MAP2K1: variants seen among roughly 807,000 people sequenced by gnomAD.
MAP2K1 encodes the protein mitogen-activated protein kinase kinase 1, also known as dual specificity mitogen-activated protein kinase kinase 1.
A neutral mutation model predicts 46.3 loss-of-function variants in MAP2K1; 16 were observed. The observed-to-expected ratio is 0.35, with a 90% confidence interval of 0.23 to 0.52. MAP2K1 has a LOEUF of 0.52. Ranked by LOEUF, MAP2K1 falls within the 20% of genes least tolerant of loss-of-function variation. The pLI is 0.94. For missense variants in MAP2K1, 263 were observed against 497.1 expected, an observed-to-expected ratio of 0.53 and a Z score of 4.48; for synonymous variants, 183 against 185.6, an observed-to-expected ratio of 0.99 and a Z score of 0.11.
At chr15:66,460,497 G>T (rs895865757) in intron 5 of MAP2K1, among the ~76,000 whole-genome samples, 1 of 152,194 alleles carries the variant, frequency 6.6e-6, no homozygotes, top group Non-Finnish European at 1.5e-5. Flanking sequence ...ACAGGAAATA[G>T]CAAGTGGTTC....
At chr15:66,473,233 A>G (rs962443039) in intron 5 of MAP2K1, among the ~76,000 whole-genome samples, 1 of 152,178 alleles carries the variant, frequency 6.6e-6, no homozygotes, top group Non-Finnish European at 1.5e-5. Flanking sequence ...CAACTTCCAT[A>G]TCTGTAAACT....
intron 1 of MAP2K1, among the ~76,000 whole-genome samples, chr15:66,397,002 T>C (rs1433035793): frequency 1.0e-5 from 1 of 95,958 alleles, no homozygotes; most frequent in Non-Finnish European, 2.0e-5. Context: ...CTTCTTTTTT[T>C]TTTTTTTTTT....
chr15:66,460,774 G>C (rs1374756595), intron 5 of MAP2K1, among the ~76,000 whole-genome samples: 1 of 152,052 alleles, frequency 6.6e-6, no homozygotes, highest in African/African-American at 2.4e-5. Flanking sequence ...ATAAGGGGGG[G>C]TCTGAGTTAG....
intron 1 of MAP2K1, among the ~76,000 whole-genome samples, chr15:66,412,909 A>T (rs982606023): frequency 2.5e-4 from 38 of 151,462 alleles, no homozygotes; most frequent in Admixed American, 9.2e-4. Context: ...TATTATTATT[A>T]TTTTTTGACA....
chr15:66,410,891 T>G (rs900970329), intron 1 of MAP2K1, among the ~76,000 whole-genome samples: 3 of 152,154 alleles, frequency 2.0e-5, no homozygotes, highest in African/African-American at 4.8e-5. Context: ...ATTGTAAGCT[T>G]CTGCAGATGA....
intron 1 of MAP2K1, among the ~76,000 whole-genome samples, chr15:66,424,938 C>T (rs1246631818): frequency 6.6e-6 from 1 of 151,822 alleles, no homozygotes; most frequent in African/African-American, 2.4e-5. Context: ...GCTGGGATTA[C>T]AGGATGTGCC....
intron 1 of MAP2K1, among the ~76,000 whole-genome samples, chr15:66,410,548 A>G (rs749130768): frequency 6.6e-6 from 1 of 152,248 alleles, no homozygotes; most frequent in Non-Finnish European, 1.5e-5. Flanking sequence ...TTTTTGATAT[A>G]TAATCCAAAG....
chr15:66,480,607 A>G (rs1353463168), intron 5 of MAP2K1, among the ~76,000 whole-genome samples: 1 of 152,160 alleles, frequency 6.6e-6, no homozygotes, highest in Non-Finnish European at 1.5e-5. Context: ...ATATAACAGT[A>G]TCGAAGAGAA....
chr15:66,420,715 A>ATATG (rs2093436128), intron 1 of MAP2K1, among the ~76,000 whole-genome samples: 1 of 33,990 alleles, frequency 2.9e-5, no homozygotes, highest in African/African-American at 1.1e-4. Flanking sequence ...GCATATATAT[A>ATATG]TATATATGTG....
chr15:66,437,538 C>T (rs563866987), intron 3 of MAP2K1, among the ~76,000 whole-genome samples: 26 of 152,280 alleles, frequency 1.7e-4, no homozygotes, highest in African/African-American at 5.8e-4. Context: ...TGAGGGCTGA[C>T]GTGAGTCTGC....
At chr15:66,427,416 G>A (rs1485325211) in intron 1 of MAP2K1, among the ~76,000 whole-genome samples, 3 of 151,940 alleles carry the variant, frequency 2.0e-5, no homozygotes, top group Non-Finnish European at 4.4e-5. Flanking sequence ...AAAATTAGCC[G>A]GGTGTGGTGG....
At chr15:66,478,081 G>A (rs979480257) in intron 5 of MAP2K1, among the ~76,000 whole-genome samples, 6 of 151,520 alleles carry the variant, frequency 4.0e-5, no homozygotes, top group Admixed American at 2.0e-4. Flanking sequence ...CTCTCCTCCC[G>A]AAGTTCAGAA....
At chr15:66,455,298 T>G (rs1427155767) in intron 5 of MAP2K1, among the ~76,000 whole-genome samples, 1 of 152,254 alleles carries the variant, frequency 6.6e-6, no homozygotes, top group Admixed American at 6.5e-5. Flanking sequence ...AAAAATAGTT[T>G]ATAACACAAG....
chr15:66,407,317 C>T (rs191423192), intron 1 of MAP2K1, among the ~76,000 whole-genome samples: 1 of 151,944 alleles, frequency 6.6e-6, no homozygotes, highest in Non-Finnish European at 1.5e-5. Flanking sequence ...TTTCTGCCCC[C>T]ACAAGCGTTT....
chr15:66,418,796 G>A (rs1236454580), intron 1 of MAP2K1, among the ~76,000 whole-genome samples: 2 of 151,456 alleles, frequency 1.3e-5, no homozygotes, highest in Non-Finnish European at 2.9e-5. Context: ...CCGAGCACCC[G>A]CCACCACGCC....
At chr15:66,463,577 G>A (rs1471952739) in intron 5 of MAP2K1, among the ~76,000 whole-genome samples, 1 of 152,196 alleles carries the variant, frequency 6.6e-6, no homozygotes, top group East Asian at 1.9e-4. Flanking sequence ...CCACCTCCTG[G>A]GTTCAAGCGA....
chr15:66,396,577 T>C (rs1595837316), intron 1 of MAP2K1, among the ~76,000 whole-genome samples: 2 of 151,690 alleles, frequency 1.3e-5, no homozygotes, highest in African/African-American at 4.8e-5. Flanking sequence ...CCCCGGATGG[T>C]ACCGATCTTT....
At chr15:66,486,563 A>G (rs1893042358) in intron 7 of MAP2K1, among the ~76,000 whole-genome samples, 1 of 152,262 alleles carries the variant, frequency 6.6e-6, no homozygotes, top group African/African-American at 2.4e-5. Context: ...CAAGTAGCCA[A>G]GTCTGACTCC....
At chr15:66,411,447 A>G (rs1420584106) in intron 1 of MAP2K1, among the ~76,000 whole-genome samples, 1 of 152,188 alleles carries the variant, frequency 6.6e-6, no homozygotes, top group East Asian at 1.9e-4. Context: ...AAAAGGAAGT[A>G]GGTGGGGAGA....
Sources: gnomAD v4.1 joint callset for allele counts (sites outside exome capture counted in the v4.1 genomes callset) on GRCh38, gnomAD v4.1.1 for gene constraint, MANE v1.5 for transcripts, NCBI Gene and HGNC (gene_info 2026-07-23, HGNC 2026-07-21) for gene names.